The following RUFY2 variants were observed in gnomAD, a reference collection of about 807,000 sequenced individuals.
The protein encoded by RUFY2 is RUN and FYVE domain containing 2.
Under a neutral mutation model 94.4 loss-of-function variants are expected in RUFY2, and 49 were observed. The observed-to-expected ratio is 0.52, with a 90% CI of 0.41 to 0.66. The LOEUF is 0.66. Ranked by LOEUF, RUFY2 falls within the 30% of genes least tolerant of loss-of-function variation. RUFY2 has a pLI of 0.00. For missense variants in RUFY2, 541 were observed against 692.8 expected (o/e 0.78, Z 2.46); for synonymous variants, 255 against 235.7 (o/e 1.08, Z -0.75).
chr10:68,347,055 G>C (rs1480142315), intron 16 of RUFY2, among the ~76,000 whole-genome samples: 1 of 151,930 alleles, frequency 6.6e-6, no homozygotes, highest in East Asian at 1.9e-4. Flanking sequence ...GGAGTTTGAG[G>C]CTGCAGTGAA....
At chr10:68,360,673 G>A (rs958325058) in intron 15 of RUFY2, among the ~76,000 whole-genome samples, 2 of 151,946 alleles carry the variant, frequency 1.3e-5, no homozygotes, top group African/African-American at 2.4e-5. Flanking sequence ...ACGTGAACCC[G>A]GCAGGCAGAG....
Position 68,345,448 on chromosome 10 carries a change from A to G in RUFY2, c.*320T>C. The G allele has an allele frequency of 2.5e-6, 1 of 403,236 alleles. No individual in the cohort carries two copies. The highest frequency in any genetic ancestry group is 4.4e-6 in the Non-Finnish European group (1 of 229,462). 25.0% of individuals were successfully genotyped at this position (403,236 alleles called of 1,614,324 possible). On this transcript the variant is annotated 3_prime_UTR_variant, in exon 18 of 18. Coordinates refer to ENST00000602465, the MANE Select transcript of RUFY2 (RefSeq NM_001330103.2). ...GCAGGCACCATCAAATACCAAATTGACAGAATTCAGAAGAAAAAAACAATC... is the reference window on the plus strand; with the variant it reads ...GCAGGCACCATCAAATACCAAATTGGCAGAATTCAGAAGAAAAAAACAATC...
intron 16 of RUFY2, 48 bp downstream of exon 16, chr10:68,355,305 T>G: frequency 1.5e-6 from 2 of 1,360,930 alleles, no homozygotes; most frequent in Non-Finnish European, 2.1e-6. Context: ...TTACCTTCCA[T>G]TGGAGACTTT....
In RUFY2 at chr10:68,401,642, C is replaced by T; in HGVS notation, c.274G>A (p.Val92Ile). Residue 92 changes from valine (V) to isoleucine (I), a missense_variant, in exon 3 of 18, where the codon GTC (valine) becomes ATC (isoleucine). By Grantham distance (29) the Val-to-Ile change is conservative. Coordinates refer to ENST00000602465, the MANE Select transcript of RUFY2 (RefSeq NM_001330103.2). ...YPEAEEIGAS[V>I]RDLPGLKTPL... is the part of the protein sequence containing the mutation. The stretch of plus-strand genomic sequence containing the variant: ...TACTTCAGACCAGGTAGATCCCGGA[C>T]ACTAGCTCCTATTTCCTCTGCTTCG... 6.2e-7 allele frequency: 1 copy of T among 1,612,914 alleles called. No homozygotes were observed. The highest frequency in any genetic ancestry group is 8.5e-7 in the Non-Finnish European group (1 of 1,178,918).
intron 12 of RUFY2, chr10:68,377,574 A>G (rs980491226): frequency 5.1e-6 from 5 of 985,258 alleles, no homozygotes; most frequent in Admixed American, 6.2e-5. Context: ...ATTTGGTGCC[A>G]GTTGGCATCA....
At position 68,401,784 on chromosome 10, in the gene RUFY2, G is replaced by A. The variant is rs371186715; in HGVS notation, c.179-47C>T. ...GCACACAATGTCAACATAAAAAACT[G>A]TAGTAACTTATTTTTAAATATTTAG... On this transcript the variant is annotated intron_variant, in intron 2 of 17. Transcript: ENST00000602465. 7.2e-5 allele frequency: 76 copies of A among 1,056,364 alleles called. No individual in the cohort carries two copies. In the Middle Eastern group the frequency reaches 1.0e-3, roughly 14 times the overall value. The allele number at this position is 1,056,364 out of a possible 1,614,324, so 65.4% of individuals were successfully genotyped here. A position where few individuals can be genotyped will look rare whatever the true frequency, so the allele number is the denominator to read the frequency against.
chr10:68,368,954 C>T (rs983964488), intron 13 of RUFY2, among the ~76,000 whole-genome samples: 3 of 152,132 alleles, frequency 2.0e-5, no homozygotes, highest in African/African-American at 7.2e-5. Flanking sequence ...CGAGAAAAAA[C>T]CCATGCCCCC....
At chr10:68,341,872 TTG>T, downstream of RUFY2, 13 of 1,599,964 alleles carry the variant, frequency 8.1e-6, no homozygotes, top group Non-Finnish European at 1.1e-5. Context: ...CTAGTTCAGT[TTG>T]TGTTAGTCCG....
rs1347895110 is a variant in RUFY2, at chr10:68,404,691, C to A, written c.158G>T (p.Cys53Phe). The stretch of plus-strand genomic sequence containing the variant: ...GATACCTTTAAGACCGTGTTTCAGG[C>A]AATGTTCCATAACAACAAAGAATTG... ...LQQFFVVMEH[C>F]LKHGLKVRKS... Residue 53 changes from cysteine (C) to phenylalanine (F), a missense_variant, in exon 2 of 18, where the codon TGC (cysteine) becomes TTC (phenylalanine). Cys to Phe is a radical substitution (Grantham distance 205, BLOSUM62 -2). This residue lies in a region of RUFY2 where 85 missense variants were observed against 153.4 expected (regional missense o/e 0.55). Transcript: ENST00000602465. 1 of 1,608,000 alleles carries A rather than the reference C, an allele frequency of 6.2e-7. No homozygotes were observed. Among genetic ancestry groups the A allele is most frequent in the Admixed American group, 1.7e-5 (1 of 58,506 alleles).
intron 16 of RUFY2, among the ~76,000 whole-genome samples, chr10:68,350,947 G>A (rs1030930111): frequency 6.6e-6 from 1 of 151,896 alleles, no homozygotes; most frequent in Non-Finnish European, 1.5e-5. Context: ...CCGACCTCAG[G>A]TGATCTGCCC....
At chr10:68,355,910 T>A (rs557152459) in intron 15 of RUFY2, among the ~76,000 whole-genome samples, 33 of 135,738 alleles carry the variant, frequency 2.4e-4, no homozygotes, top group Admixed American at 5.3e-4. Context: ...TGAGACTCCA[T>A]CTCAAAAAAA....
At chr10:68,354,117 T>C (rs1218943633) in intron 16 of RUFY2, among the ~76,000 whole-genome samples, 1 of 152,170 alleles carries the variant, frequency 6.6e-6, no homozygotes, top group Non-Finnish European at 1.5e-5. Context: ...AAGAGACTGC[T>C]ACCATCATCA....
At position 68,380,953 on chromosome 10, in the gene RUFY2, G is replaced by A. The variant is rs753975257; in HGVS notation, c.1107+279C>T. Among the ~76,000 whole-genome samples the A allele has an allele frequency of 1.4e-4, 22 of 152,224 alleles. No individual in the cohort carries two copies. The South Asian group carries it at 1.5e-3, about 10-fold the overall frequency. ...TCTTAGAACTACACTGGAAAAGGAA[G>A]TTCACAAAAACGTTTTGCAGTTTAA... On this transcript the variant is annotated intron_variant, in intron 11 of 17. Transcript: ENST00000602465.
At position 68,344,767 on chromosome 10, in the gene RUFY2, T is replaced by G. The variant is rs2046183481; in HGVS notation, c.*1001A>C. ...AGGTGCTCAATGGACATGGTGAAAT[T>G]TTACTGTGGATGTATACAGGTAGGC... On this transcript the variant is annotated 3_prime_UTR_variant, in exon 18 of 18. Coordinates refer to ENST00000602465, the MANE Select transcript of RUFY2 (RefSeq NM_001330103.2). The G allele has an allele frequency of 6.6e-6, 1 of 152,212 alleles. No homozygotes were observed. The highest frequency in any genetic ancestry group is 1.5e-5 in the Non-Finnish European group (1 of 68,042). The allele number at this position is 152,212 out of a possible 1,614,324, so 9.4% of individuals were successfully genotyped here. A position where few individuals can be genotyped will look rare whatever the true frequency, so the allele number is the denominator to read the frequency against.
chr10:68,373,153 C>T (rs995353713), intron 13 of RUFY2, among the ~76,000 whole-genome samples: 1 of 152,156 alleles, frequency 6.6e-6, no homozygotes, highest in Admixed American at 6.5e-5. Flanking sequence ...GGTTTTCACA[C>T]TTCATCCAAA....
At chr10:68,353,908 G>A (rs1214471677) in intron 16 of RUFY2, among the ~76,000 whole-genome samples, 1 of 152,038 alleles carries the variant, frequency 6.6e-6, no homozygotes, top group Non-Finnish European at 1.5e-5. Flanking sequence ...ACCAAAATGA[G>A]AGTGAGCAAA....
At position 68,343,808 on chromosome 10, in the gene RUFY2, T is replaced by TTAAAAA. The variant is rs1554869876; in HGVS notation, c.*1959_*1960insTTTTTA. On this transcript the variant is annotated 3_prime_UTR_variant, in exon 18 of 18. Transcript: ENST00000602465. ...GCAAGTTGCTGTCATAAAAGCTGCCTAAAAAAAAAAAAAAAAAAAAAAAAA... is the reference window on the plus strand; with the variant it reads ...GCAAGTTGCTGTCATAAAAGCTGCCTTAAAAAAAAAAAAAAAAAAAAAAAAAAAAAA... 6.9e-5 allele frequency: 8 copies of TTAAAAA among 115,656 alleles called. No homozygotes were observed. Among genetic ancestry groups the TTAAAAA allele is most frequent in the Non-Finnish European group, 1.2e-4 (7 of 60,562 alleles). 7.2% of individuals were successfully genotyped at this position (115,656 alleles called of 1,614,324 possible).
At chr10:68,347,437 C>T (rs2046365065) in intron 16 of RUFY2, among the ~76,000 whole-genome samples, 2 of 152,044 alleles carry the variant, frequency 1.3e-5, no homozygotes, top group Admixed American at 6.6e-5. Flanking sequence ...GCACACGCCA[C>T]CATGCCCGGC....
intron 3 of RUFY2, among the ~76,000 whole-genome samples, chr10:68,398,347 T>C (rs1342823401): frequency 2.6e-5 from 4 of 152,042 alleles, no homozygotes; most frequent in African/African-American, 9.7e-5. Flanking sequence ...ACCCAAGTTC[T>C]ATCTGTTATT....
Sources: allele counts gnomAD v4.1 joint callset (sites outside exome capture counted in the v4.1 genomes callset), GRCh38; gene constraint gnomAD v4.1.1; regional missense constraint gnomAD v4.1.1; transcripts MANE v1.5; gene names NCBI Gene and HGNC (gene_info 2026-07-23, HGNC 2026-07-21).